IL23A: variants seen among roughly 807,000 people sequenced by gnomAD.
The protein encoded by IL23A is interleukin-23 subunit alpha.
A neutral mutation model predicts 20.7 loss-of-function variants in IL23A; 16 were observed. The observed-to-expected ratio is 0.77, with a 90% confidence interval of 0.52 to 1.17. IL23A has a LOEUF of 1.17. IL23A is among the 50% of genes most tolerant of loss of function. The pLI is 0.00. For synonymous variants in IL23A, 80 were observed against 88.7 expected (o/e 0.90, Z 0.55); for missense variants, 175 against 229.5 (o/e 0.76, Z 1.53).
rs1309552853 is a variant in IL23A, at chr12:56,339,021, C to T, written c.-24C>T. 1.2e-5 allele frequency: 16 copies of T among 1,367,820 alleles called. No individual in the cohort carries two copies. The highest frequency in any genetic ancestry group is 1.5e-5 in the Non-Finnish European group (16 of 1,050,722). 84.7% of individuals were successfully genotyped at this position (1,367,820 alleles called of 1,614,324 possible). ...GACTGGTGCAAGGCGCAGAGCCAGC[C>T]AGATTTGAGAAGAAGGCAAAAAGAT... On this transcript the variant is annotated 5_prime_UTR_variant, in exon 1 of 4. Transcript: ENST00000228534.
In IL23A at chr12:56,340,281, T is replaced by G. The variant is rs1876453069; in HGVS notation, c.*177T>G. 1.6e-6 allele frequency: 1 copy of G among 633,134 alleles called. No homozygotes were observed. Among genetic ancestry groups the G allele is most frequent in the Admixed American group, 3.3e-5 (1 of 30,726 alleles). The allele number at this position is 633,134 out of a possible 1,614,324, so 39.2% of individuals were successfully genotyped here. ...ATGTGATGCTGACCTATGATAAGGT[T>G]GAGTATTTATTAGATGGGAAGGGAA... On this transcript the variant is annotated 3_prime_UTR_variant, in exon 4 of 4. Coordinates refer to ENST00000228534, the MANE Select transcript of IL23A (RefSeq NM_016584.3).
In IL23A at chr12:56,339,535, G is replaced by C. The variant is rs776021749; in HGVS notation, c.261+11G>C. On this transcript the variant is annotated intron_variant, in intron 2 of 3. Transcript: ENST00000228534. Reference sequence around the variant, plus strand: ...AGGGACAACAGTCAGGTACCACTGGGATGTGGCTGGGCAATGAAGGAGAGG... The same window carrying C: ...AGGGACAACAGTCAGGTACCACTGGCATGTGGCTGGGCAATGAAGGAGAGG... The C allele has an allele frequency of 6.3e-7, 1 of 1,599,336 alleles. No individual in the cohort carries two copies.
At chr12:56,339,390 ACTT>A in intron 1 of IL23A, 33 bp from the exon 2 acceptor site, 1 of 1,513,704 alleles carries the variant, frequency 6.6e-7, no homozygotes, top group South Asian at 1.1e-5. Flanking sequence ...GTACTATCTT[ACTT>A]CTTCATTCTT....
At position 56,339,764 on chromosome 12, in the gene IL23A, A is replaced by G; in HGVS notation, c.335A>G (p.Glu112Gly). ...CTAGGATCGGATATTTTCACAGGGG[A>G]GCCTTCTCTGCTCCCTGATAGCCCT... is the stretch of plus-strand genomic sequence containing the variant. ...KLLGSDIFTGEPSLLPDSPVG... is the reference protein window; with the variant it reads ...KLLGSDIFTGGPSLLPDSPVG... The change falls in exon 3 of 4, where the codon GAG becomes GGG. Residue 112 changes from glutamate (E) to glycine (G), a missense_variant. Physicochemically the swap from Glu to Gly is moderately conservative, Grantham distance 98. Transcript: ENST00000228534. 1 of 1,613,878 alleles carries G rather than the reference A, an allele frequency of 6.2e-7. No individual in the cohort carries two copies. Among genetic ancestry groups the G allele is most frequent in the Non-Finnish European group, 8.5e-7 (1 of 1,179,960 alleles).
At position 56,340,375 on chromosome 12, in the gene IL23A, T is replaced by C; in HGVS notation, c.*271T>C. Reference sequence around the variant, plus strand: ...TATTTATTGTATTTATATTGAATTATGTACTTTTTTCAATAAAGTCTTATT... The same window carrying C: ...TATTTATTGTATTTATATTGAATTACGTACTTTTTTCAATAAAGTCTTATT... On this transcript the variant is annotated 3_prime_UTR_variant, in exon 4 of 4. Coordinates refer to ENST00000228534, the MANE Select transcript of IL23A (RefSeq NM_016584.3). 1 of 360,308 alleles carries C rather than the reference T, an allele frequency of 2.8e-6. No individual in the cohort carries two copies. Among genetic ancestry groups the C allele is most frequent in the Non-Finnish European group, 5.0e-6 (1 of 199,852 alleles). 22.3% of individuals were successfully genotyped at this position (360,308 alleles called of 1,614,324 possible).
In IL23A at chr12:56,338,937, CG is replaced by C. The variant is rs1876389471; in HGVS notation, c.-107del. Reference sequence around the variant, plus strand: ...ACAACTGAGGGAACCAAACCAGAGACGCGCTGAACAGAGAGAATCAGGCTCA... The same window carrying C: ...ACAACTGAGGGAACCAAACCAGAGACCGCTGAACAGAGAGAATCAGGCTCA... On this transcript the variant is annotated 5_prime_UTR_variant, in exon 1 of 4. Transcript: ENST00000228534. The C allele has an allele frequency of 1.1e-6, 1 of 921,036 alleles. No homozygotes were observed. Among genetic ancestry groups the C allele is most frequent in the Non-Finnish European group, 1.5e-6 (1 of 680,900 alleles). The allele number at this position is 921,036 out of a possible 1,614,324, so 57.1% of individuals were successfully genotyped here. A position where few individuals can be genotyped will look rare whatever the true frequency, so the allele number is the denominator to read the frequency against.
At position 56,339,117 on chromosome 12, in the gene IL23A, G is replaced by T; in HGVS notation, c.73G>T (p.Gly25Cys). The change falls in exon 1 of 4, where the codon GGC becomes TGC. Residue 25 changes from glycine (G) to cysteine (C), a missense_variant. Physicochemically the swap from Gly to Cys is radical, Grantham distance 159. Coordinates refer to ENST00000228534, the MANE Select transcript of IL23A (RefSeq NM_016584.3). ...AGCTCAGGGCAGAGCTGTGCCTGGG[G>T]GCAGCAGCCCTGCCTGGACTCAGTG... ...WTAQGRAVPG[G>C]SSPAWTQCQQ... The T allele has an allele frequency of 6.3e-7, 1 of 1,580,166 alleles. No individual in the cohort carries two copies. The highest frequency in any genetic ancestry group is 8.6e-7 in the Non-Finnish European group (1 of 1,158,896).
At chr12:56,339,232 C>G (rs771674797) in intron 1 of IL23A, 26 bp downstream of exon 1, 1 of 1,530,676 alleles carries the variant, frequency 6.5e-7, no homozygotes, top group South Asian at 1.3e-5. Context: ...TGGAGCCTAA[C>G]AGGAGTCCAG....
Position 56,338,977 on chromosome 12 carries a change from T to G in IL23A, c.-68T>G. The stretch of plus-strand genomic sequence containing the variant: ...GAATCAGGCTCAAAGCAAGTGGAAG[T>G]GGGCAGAGATTCCACCAGGACTGGT... On this transcript the variant is annotated 5_prime_UTR_variant, in exon 1 of 4. Coordinates refer to ENST00000228534, the MANE Select transcript of IL23A (RefSeq NM_016584.3). 1 of 1,263,882 alleles carries G rather than the reference T, an allele frequency of 7.9e-7. No individual in the cohort carries two copies. Among genetic ancestry groups the G allele is most frequent in the Non-Finnish European group, 1.0e-6 (1 of 972,546 alleles). The allele number at this position is 1,263,882 out of a possible 1,614,324, so 78.3% of individuals were successfully genotyped here. A position where few individuals can be genotyped will look rare whatever the true frequency, so the allele number is the denominator to read the frequency against.
Position 56,339,778 on chromosome 12 carries a change from CCT to C in IL23A, c.350_351del (p.Pro117ArgfsTer2), listed in dbSNP as rs1407722729. The C allele has an allele frequency of 4.3e-6, 7 of 1,613,902 alleles. No homozygotes were observed. Among genetic ancestry groups the C allele is most frequent in the South Asian group, 1.1e-5 (1 of 91,080 alleles). On this transcript the variant is annotated frameshift_variant, in exon 3 of 4. Transcript: ENST00000228534. LOFTEE classifies it high-confidence loss of function. ...TTTCACAGGGGAGCCTTCTCTGCTC[CCT>C]GATAGCCCTGTGGGCCAGCTTCATG... is the stretch of plus-strand genomic sequence containing the variant. The part of the protein sequence containing the change: ...DIFTGEPSLL[P>X]DSPVGQLHAS...
In IL23A at chr12:56,339,116, G is replaced by A; in HGVS notation, c.72G>A (p.Gly24=). Residue 24 remains glycine (G), a synonymous_variant, in exon 1 of 4, where the codon GGG becomes GGA. Coordinates refer to ENST00000228534, the MANE Select transcript of IL23A (RefSeq NM_016584.3). ...CAGCTCAGGGCAGAGCTGTGCCTGGGGGCAGCAGCCCTGCCTGGACTCAGT... is the reference window on the plus strand; with the variant it reads ...CAGCTCAGGGCAGAGCTGTGCCTGGAGGCAGCAGCCCTGCCTGGACTCAGT... ...PWTAQGRAVP[G]GSSPAWTQCQ... The A allele has an allele frequency of 6.3e-7, 1 of 1,579,770 alleles. No homozygotes were observed. The highest frequency in any genetic ancestry group is 2.3e-5 in the East Asian group (1 of 44,244).
At chr12:56,339,913 C>T (rs1876431232) in intron 3 of IL23A, 30 bp from the exon 4 acceptor site, 1 of 1,613,260 alleles carries the variant, frequency 6.2e-7, no homozygotes, top group Admixed American at 1.7e-5. Flanking sequence ...GGTTTAGAGT[C>T]TTCTCTGACT....
rs774443373 is a variant in IL23A at position 56,339,149 on chromosome 12, G to A, written c.105G>A (p.Gln35=). The change falls in exon 1 of 4, where the codon CAG becomes CAA. Residue 35 remains glutamine (Q), a synonymous_variant. Coordinates refer to ENST00000228534, the MANE Select transcript of IL23A (RefSeq NM_016584.3). ...GSSPAWTQCQ[Q]LSQKLCTLAW... is the part of the protein sequence containing the mutation. ...GCCCTGCCTGGACTCAGTGCCAGCA[G>A]CTTTCACAGAAGCTCTGCACACTGG... 2.4e-5 allele frequency: 38 copies of A among 1,585,750 alleles called. No individual in the cohort carries two copies. The highest frequency in any genetic ancestry group is 3.3e-5 in the Non-Finnish European group (38 of 1,162,788).
Position 56,339,459 on chromosome 12 carries a change from A to G in IL23A, c.196A>G (p.Asn66Asp). The G allele has an allele frequency of 6.2e-7, 1 of 1,612,262 alleles. No homozygotes were observed. Among genetic ancestry groups the G allele is most frequent in the Non-Finnish European group, 8.5e-7 (1 of 1,178,334 alleles). ...LREEGDEETT[N>D]DVPHIQCGDG... The stretch of plus-strand genomic sequence containing the variant: ...AGAAGAGGGAGATGAAGAGACTACA[A>G]ATGATGTTCCCCATATCCAGTGTGG... Residue 66 changes from asparagine to aspartate, a missense_variant, in exon 2 of 4, where the codon AAT becomes GAT. Coordinates refer to ENST00000228534, the MANE Select transcript of IL23A (RefSeq NM_016584.3).
rs760141378 is a variant in IL23A at position 56,340,014 on chromosome 12, TCTC to T, written c.482_484del (p.Leu161del). Reference sequence around the variant, plus strand: ...CCAGCCAGCCATGGCAGCGTCTCCTTCTCCGCTTCAAAATCCTTCGCAGCCTCC... The same window carrying T: ...CCAGCCAGCCATGGCAGCGTCTCCTTCGCTTCAAAATCCTTCGCAGCCTCC... On this transcript the variant is annotated inframe_deletion, in exon 4 of 4. Coordinates refer to ENST00000228534, the MANE Select transcript of IL23A (RefSeq NM_016584.3). 1 of 1,614,146 alleles carries T rather than the reference TCTC, an allele frequency of 6.2e-7. No homozygotes were observed. The highest frequency in any genetic ancestry group is 1.7e-5 in the Admixed American group (1 of 60,024).
Position 56,339,775 on chromosome 12 carries a change from C to T in IL23A, c.346C>T (p.Leu116Phe). The T allele has an allele frequency of 1.2e-6, 2 of 1,614,098 alleles. No individual in the cohort carries two copies. ...SDIFTGEPSL[L>F]PDSPVGQLHA... ...TATTTTCACAGGGGAGCCTTCTCTG[C>T]TCCCTGATAGCCCTGTGGGCCAGCT... is the stretch of plus-strand genomic sequence containing the variant. Residue 116 changes from leucine (L) to phenylalanine (F), a missense_variant, in exon 3 of 4, where the codon CTC (leucine) becomes TTC (phenylalanine). Physicochemically the swap from Leu to Phe is conservative, Grantham distance 22. Transcript: ENST00000228534.
intron 1 of IL23A, 55 bp from the exon 2 acceptor site, chr12:56,339,371 G>T: frequency 6.9e-7 from 1 of 1,441,940 alleles, no homozygotes; most frequent in Non-Finnish European, 9.8e-7. Flanking sequence ...GTCCAGGTTG[G>T]CTTCAGAAGT....
intron 1 of IL23A, 46 bp from the exon 2 acceptor site, chr12:56,339,380 G>T (rs751865187): frequency 1.3e-6 from 2 of 1,489,504 alleles, no homozygotes; most frequent in East Asian, 4.5e-5. Flanking sequence ...GGCTTCAGAA[G>T]TACTATCTTA....
At position 56,339,439 on chromosome 12, in the gene IL23A, AG is replaced by A. The variant is rs770199764; in HGVS notation, c.179del (p.Gly60GlufsTer38). 1.9e-6 allele frequency: 3 copies of A among 1,607,262 alleles called. No individual in the cohort carries two copies. Among genetic ancestry groups the A allele is most frequent in the African/African-American group, 1.3e-5 (1 of 74,776 alleles). On this transcript the variant is annotated frameshift_variant, in exon 2 of 4. Coordinates refer to ENST00000228534, the MANE Select transcript of IL23A (RefSeq NM_016584.3). LOFTEE classifies it high-confidence loss of function. ...PLVGHMDLRE[E>X]GDEETTNDVP... is the part of the protein sequence containing the mutation. ...CCTTCATTCCAGGATCTAAGAGAAG[AG>A]GGAGATGAAGAGACTACAAATGATG...
Sources: allele counts gnomAD v4.1 joint callset, GRCh38; gene constraint gnomAD v4.1.1; transcripts MANE v1.5; gene names NCBI Gene and HGNC (gene_info 2026-07-23, HGNC 2026-07-21).